Variants in EPN3 observed in about 807,000 individuals in gnomAD.
EPN3 encodes the protein epsin-3.
A neutral mutation model predicts 55.5 loss-of-function variants in EPN3; 56 were observed. The observed-to-expected ratio is 1.01, with a 90% CI of 0.81 to 1.26. The LOEUF is 1.26. Among genes scored for constraint, EPN3 ranks in the 50% most tolerant of loss-of-function variants. EPN3 has a pLI of 0.00. For missense variants in EPN3, 927 were observed against 853.4 expected (o/e 1.09, Z -1.07); for synonymous variants, 449 against 375.2 (o/e 1.20, Z -2.27).
In EPN3 at chr17:50,538,911, G is replaced by T. The variant is rs558524308; in HGVS notation, c.709G>T (p.Glu237Ter). ...TGTCCCCCCAGCCTCCCACAGGGAC[G>T]AGGACCTGCAGCTGCAGCTGGCTCT... is the stretch of plus-strand genomic sequence containing the variant. ...KPVPPASHRD[E>*]DLQLQLALRL... The change falls in exon 4 of 10, where the codon GAG becomes TAG. Residue 237 changes from glutamate to a stop codon, truncating the protein, a stop_gained. Transcript: ENST00000268933. LOFTEE classifies it high-confidence loss of function. 1.2e-6 allele frequency: 2 copies of T among 1,608,648 alleles called. No homozygotes were observed. Among genetic ancestry groups the T allele is most frequent in the East Asian group, 4.5e-5 (2 of 44,754 alleles).
At chr17:50,539,130 T>C (rs1246030279) in intron 4 of EPN3, 57 bp from the exon 5 acceptor site, 1 of 1,605,082 alleles carries the variant, frequency 6.2e-7, no homozygotes, top group Non-Finnish European at 8.5e-7. Context: ...GGTGCACAGG[T>C]CCCCGGATTC....
Position 50,542,118 on chromosome 17 carries a change from G to A in EPN3, c.1860G>A (p.Arg620=), listed in dbSNP as rs1443628886. 4.6e-6 allele frequency: 7 copies of A among 1,523,062 alleles called. No homozygotes were observed. Among genetic ancestry groups the A allele is most frequent in the East Asian group, 5.2e-5 (2 of 38,180 alleles). The allele number at this position is 1,523,062 out of a possible 1,614,324, so 94.3% of individuals were successfully genotyped here. Reference sequence around the variant, plus strand: ...CCACGCCGAGCTCAGCCGGGCCGCGGCCCCCGCCCCCGCAGACCGGCACCA... The same window carrying A: ...CCACGCCGAGCTCAGCCGGGCCGCGACCCCCGCCCCCGCAGACCGGCACCA... The part of the protein sequence containing the change: ...LLPTPSSAGP[R]PPPPQTGTNP... The change falls in exon 10 of 10, where the codon CGG becomes CGA. Residue 620 remains arginine, a synonymous_variant. Transcript: ENST00000268933.
chr17:50,541,287 G>A lies in EPN3; in HGVS notation c.1308G>A (p.Glu436=). 1.2e-6 allele frequency: 2 copies of A among 1,613,434 alleles called. No individual in the cohort carries two copies. The highest frequency in any genetic ancestry group is 1.7e-6 in the Non-Finnish European group (2 of 1,180,014). Residue 436 remains glutamate (E), a synonymous_variant, in exon 8 of 10, where the codon GAG becomes GAA. Coordinates refer to ENST00000268933, the MANE Select transcript of EPN3 (RefSeq NM_017957.3). The part of the protein sequence containing the change: ...AKPPESTETK[E]GLEQALPSGK... ...CTCCAGAATCCACAGAGACCAAGGA[G>A]GGGCTGGAGCAGGCCCTGCCCTCTG...
At position 50,532,976 on chromosome 17, in the gene EPN3, C is replaced by A. The variant is rs547286508; in HGVS notation, c.-146C>A. On this transcript the variant is annotated 5_prime_UTR_variant, in exon 1 of 10. Coordinates refer to ENST00000268933, the MANE Select transcript of EPN3 (RefSeq NM_017957.3). ...GGCTGGGGCTGGGGCCGAGGGAGCC[C>A]GCACTGGAGGTAAGCTTCCTCCCTG... The A allele has an allele frequency of 3.9e-6, 5 of 1,284,654 alleles. No homozygotes were observed. The highest frequency in any genetic ancestry group is 4.1e-6 in the Non-Finnish European group (4 of 986,756). The allele number at this position is 1,284,654 out of a possible 1,614,324, so 79.6% of individuals were successfully genotyped here.
At chr17:50,537,190 C>A in intron 2 of EPN3, 72 bp downstream of exon 2, 5 of 1,426,664 alleles carry the variant, frequency 3.5e-6, no homozygotes, top group Admixed American at 2.3e-5. Context: ...GCAATCCAAG[C>A]CATGGTTCAT....
Position 50,538,978 on chromosome 17 carries a change from C to T in EPN3, c.762+14C>T, listed in dbSNP as rs879761402. On this transcript the variant is annotated intron_variant, in intron 4 of 9. Coordinates refer to ENST00000268933, the MANE Select transcript of EPN3 (RefSeq NM_017957.3). Reference sequence around the variant, plus strand: ...GAGCACGAGAAGGTAGTGGGCCGAGCCCGCTGGGCTGCCGGTGCTGCTGCT... The same window carrying T: ...GAGCACGAGAAGGTAGTGGGCCGAGTCCGCTGGGCTGCCGGTGCTGCTGCT... 3.8e-6 allele frequency: 6 copies of T among 1,587,548 alleles called. No individual in the cohort carries two copies. The highest frequency in any genetic ancestry group is 5.1e-6 in the Non-Finnish European group (6 of 1,165,816).
chr17:50,537,758 C>T lies in EPN3; in HGVS notation c.563-321C>T, dbSNP rs74659907. Among the ~76,000 whole-genome samples, 930 of 152,330 alleles carry T rather than the reference C, an allele frequency of 6.1e-3. 13 individuals carry two copies. Among genetic ancestry groups the T allele is most frequent in the African/African-American group, 0.021 (875 of 41,578 alleles). On this transcript the variant is annotated intron_variant, in intron 2 of 9. Coordinates refer to ENST00000268933, the MANE Select transcript of EPN3 (RefSeq NM_017957.3). ...TCCTATCCTTGCACCTCCCTTGCCC[C>T]CAAGCCAGGACAGGGTCCATCTGGA...
chr17:50,538,947 C>CGGCAGGAGCACGA lies in EPN3; in HGVS notation c.747_759dup (p.Lys254AlafsTer13). On this transcript the variant is annotated frameshift_variant, in exon 4 of 10. Transcript: ENST00000268933. LOFTEE classifies it high-confidence loss of function. ...GCTGCAGCTGGCTCTGCGCCTGAGC[C>CGGCAGGAGCACGA]GGCAGGAGCACGAGAAGGTAGTGGG... The CGGCAGGAGCACGA allele has an allele frequency of 6.2e-7, 1 of 1,607,018 alleles. No homozygotes were observed. The highest frequency in any genetic ancestry group is 8.5e-7 in the Non-Finnish European group (1 of 1,175,932).
chr17:50,540,863 C>T lies in EPN3; in HGVS notation c.1050C>T (p.Pro350=). 1 of 1,614,186 alleles carries T rather than the reference C, an allele frequency of 6.2e-7. No individual in the cohort carries two copies. Residue 350 remains proline (P), a synonymous_variant, in exon 7 of 10, where the codon CCC becomes CCT. Coordinates refer to ENST00000268933, the MANE Select transcript of EPN3 (RefSeq NM_017957.3). ...CTGCAGACCCCTGGTCTCCGATCCC[C>T]TCAGGAACCGTCCTGTCCCGAAGCC... ...GPSADPWSPI[P]SGTVLSRSQP...
intron 1 of EPN3, among the ~76,000 whole-genome samples, chr17:50,535,417 G>A (rs2034745292): frequency 6.6e-6 from 1 of 152,180 alleles, no homozygotes; most frequent in Non-Finnish European, 1.5e-5. Context: ...CCATGTGTAC[G>A]TGGGGGTGGC....
chr17:50,537,959 G>A, intron 2 of EPN3, 120 bp from the exon 3 acceptor site: 2 of 804,250 alleles, frequency 2.5e-6, no homozygotes. Context: ...GCCCACGGGG[G>A]CCTCAACGGC....
chr17:50,540,803 G>T lies in EPN3; in HGVS notation c.990G>T (p.Pro330=). ...ADPWDIPGFR[P]NTEASGSSWG... ...CTGTTCCCATTTCAGGTTTTAGGCCGAACACAGAGGCCAGTGGATCCTCCT... is the reference window on the plus strand; with the variant it reads ...CTGTTCCCATTTCAGGTTTTAGGCCTAACACAGAGGCCAGTGGATCCTCCT... The change falls in exon 7 of 10, where the codon CCG becomes CCT. Residue 330 remains proline, a synonymous_variant. Transcript: ENST00000268933. The T allele has an allele frequency of 1.2e-6, 2 of 1,609,238 alleles. No homozygotes were observed. Among genetic ancestry groups the T allele is most frequent in the African/African-American group, 1.3e-5 (1 of 74,926 alleles).
At position 50,536,793 on chromosome 17, in the gene EPN3, A is replaced by G. The variant is rs758404677; in HGVS notation, c.237A>G (p.Thr79=). Reference sequence around the variant, plus strand: ...GGCGGCACGTGTACAAGGCTCTAACATTGCTGGACTACCTGCTCAAGACGG... The same window carrying G: ...GGCGGCACGTGTACAAGGCTCTAACGTTGCTGGACTACCTGCTCAAGACGG... ...KNWRHVYKAL[T]LLDYLLKTGS... The change falls in exon 2 of 10, where the codon ACA becomes ACG. Residue 79 remains threonine, a synonymous_variant. Coordinates refer to ENST00000268933, the MANE Select transcript of EPN3 (RefSeq NM_017957.3). 10 of 1,614,070 alleles carry G rather than the reference A, an allele frequency of 6.2e-6. No homozygotes were observed. The East Asian group carries it at 1.8e-4, about 29-fold the overall frequency.
chr17:50,532,960 T>C lies in EPN3; in HGVS notation c.-162T>C, dbSNP rs1454926023. 42 of 1,285,764 alleles carry C rather than the reference T, an allele frequency of 3.3e-5. No homozygotes were observed. Among genetic ancestry groups the C allele is most frequent in the South Asian group, 1.2e-5 (1 of 80,792 alleles). The allele number at this position is 1,285,764 out of a possible 1,614,324, so 79.6% of individuals were successfully genotyped here. A position where few individuals can be genotyped will look rare whatever the true frequency, so the allele number is the denominator to read the frequency against. On this transcript the variant is annotated 5_prime_UTR_variant, in exon 1 of 10. Coordinates refer to ENST00000268933, the MANE Select transcript of EPN3 (RefSeq NM_017957.3). ...CCGCAGAGGCTACTCGGGCTGGGGC[T>C]GGGGCCGAGGGAGCCCGCACTGGAG...
rs763917614 is a variant in EPN3, at chr17:50,532,894, C to T, written c.-228C>T. ...TGGTGGATGGCTCTGGAGACGCTCC[C>T]GAGGCTGTGCCGTCCCGCTGCTGCA... is the stretch of plus-strand genomic sequence containing the variant. On this transcript the variant is annotated 5_prime_UTR_variant, in exon 1 of 10. Transcript: ENST00000268933. 7.8e-6 allele frequency: 10 copies of T among 1,285,772 alleles called. No homozygotes were observed. The highest frequency in any genetic ancestry group is 2.5e-5 in the South Asian group (2 of 80,756). The allele number at this position is 1,285,772 out of a possible 1,614,324, so 79.6% of individuals were successfully genotyped here.
chr17:50,536,996 C>T lies in EPN3; in HGVS notation c.440C>T (p.Ala147Val), dbSNP rs1198774671. 5 of 1,613,506 alleles carry T rather than the reference C, an allele frequency of 3.1e-6. No individual in the cohort carries two copies. Among genetic ancestry groups the T allele is most frequent in the East Asian group, 2.2e-5 (1 of 44,902 alleles). ...EERLRQERTH[A>V]LKTKERMALE... The stretch of plus-strand genomic sequence containing the variant: ...CGGCTGCGGCAGGAGCGAACCCACG[C>T]CCTCAAGACCAAGGAGCGCATGGCA... The change falls in exon 2 of 10, where the codon GCC (alanine) becomes GTC (valine). Residue 147 changes from alanine (A) to valine (V), a missense_variant. By Grantham distance (64) the Ala-to-Val change is moderately conservative. Transcript: ENST00000268933.
rs2034788064 is a variant in EPN3, at chr17:50,537,900, CGGGATGGGTT to C, written c.563-170_563-161del. The C allele has an allele frequency of 6.9e-6, 4 of 578,212 alleles. No homozygotes were observed. In the Admixed American group the frequency reaches 9.4e-5, roughly 14 times the overall value. 35.8% of individuals were successfully genotyped at this position (578,212 alleles called of 1,614,324 possible). ...GAGGGACTGGAGCCGCCCCTCCATC[CGGGATGGGTT>C]GGGATGGGGAACTTACAGAGTGCCT... On this transcript the variant is annotated intron_variant, in intron 2 of 9. Transcript: ENST00000268933.
chr17:50,536,662 C>G lies in EPN3; in HGVS notation c.106C>G (p.Pro36Ala), dbSNP rs1387356776. The change falls in exon 2 of 10, where the codon CCT (proline) becomes GCT (alanine). Residue 36 changes from proline to alanine, a missense_variant. Physicochemically the swap from Pro to Ala is conservative, Grantham distance 27. Coordinates refer to ENST00000268933, the MANE Select transcript of EPN3 (RefSeq NM_017957.3). ...EATSNDPWGP[P>A]SSLMSEIADL... ...CACCAGCAATGACCCCTGGGGCCCC[C>G]CTAGTTCGCTCATGTCCGAGATCGC... 2 of 1,614,032 alleles carry G rather than the reference C, an allele frequency of 1.2e-6. No individual in the cohort carries two copies. Among genetic ancestry groups the G allele is most frequent in the Admixed American group, 1.7e-5 (1 of 60,020 alleles).
In EPN3 at chr17:50,536,864, T is replaced by C. The variant is rs773618447; in HGVS notation, c.308T>C (p.Ile103Thr). Residue 103 changes from isoleucine to threonine, a missense_variant, in exon 2 of 10, where the codon ATC becomes ACC. Transcript: ENST00000268933. The part of the protein sequence containing the change: ...AHQCRENLYT[I>T]QTLKDFQYID... ...CAGTGCCGCGAGAACCTCTACACCA[T>C]CCAGACACTCAAGGACTTCCAGTAC... 1.2e-6 allele frequency: 2 copies of C among 1,613,858 alleles called. No individual in the cohort carries two copies. Among genetic ancestry groups the C allele is most frequent in the Non-Finnish European group, 1.7e-6 (2 of 1,179,978 alleles).
Sources: allele counts gnomAD v4.1 joint callset (sites outside exome capture counted in the v4.1 genomes callset), GRCh38; gene constraint gnomAD v4.1.1; transcripts MANE v1.5; gene names NCBI Gene and HGNC (gene_info 2026-07-23, HGNC 2026-07-21).